ARFGEF1: variants seen among roughly 807,000 people sequenced by gnomAD.
The protein encoded by ARFGEF1 is ARF guanine nucleotide exchange factor 1.
Under a neutral mutation model 231.0 loss-of-function variants are expected in ARFGEF1, and 42 were observed. That is an observed-to-expected ratio of 0.18 (90% CI 0.14 to 0.24). The LOEUF is 0.24. Among genes scored for constraint, ARFGEF1 ranks in the 10% least tolerant of loss-of-function variants. The pLI is 1.00. For missense variants in ARFGEF1, 1,345 were observed against 2,192.0 expected, an observed-to-expected ratio of 0.61 and a Z score of 7.72; for synonymous variants, 710 against 732.3, an observed-to-expected ratio of 0.97 and a Z score of 0.49.
At chr8:67,246,944 T>A (rs1210564061) in intron 19 of ARFGEF1, among the ~76,000 whole-genome samples, 1 of 150,098 alleles carries the variant, frequency 6.7e-6, no homozygotes, top group Non-Finnish European at 1.5e-5. Flanking sequence ...ATTCAAAGGA[T>A]TCTTAGTGGC....
intron 10 of ARFGEF1, among the ~76,000 whole-genome samples, chr8:67,271,025 C>CAAAAA (rs36063944): frequency 1.8e-3 from 65 of 35,852 alleles, no homozygotes; most frequent in African/African-American, 4.1e-3. Flanking sequence ...ACTCCATCTC[C>CAAAAA]AAAAAAAAAA....
chr8:67,312,101 G>A (rs1476153008), intron 1 of ARFGEF1, among the ~76,000 whole-genome samples: 2 of 151,978 alleles, frequency 1.3e-5, no homozygotes, highest in Admixed American at 6.6e-5. Context: ...CAAACACTGC[G>A]GAAGGCAGTG....
At chr8:67,195,649 T>C, downstream of ARFGEF1, 1 of 1,476,130 alleles carries the variant, frequency 6.8e-7, no homozygotes, top group East Asian at 2.3e-5. Flanking sequence ...ATGGTAAATC[T>C]GTACCTTTAA....
At chr8:67,227,674 A>C in intron 25 of ARFGEF1, 76 bp from the exon 26 acceptor site, 2 of 1,501,146 alleles carry the variant, frequency 1.3e-6, no homozygotes, top group South Asian at 2.4e-5. Flanking sequence ...TTTTTGTTTT[A>C]GAAAAAGTAT....
chr8:67,183,443 T>C (rs1200447129), intron 5 of ARFGEF1, among the ~76,000 whole-genome samples: 2 of 152,082 alleles, frequency 1.3e-5, no homozygotes, highest in Admixed American at 6.5e-5. Context: ...AATCACACAA[T>C]ATCTGTCCCC....
intron 19 of ARFGEF1, among the ~76,000 whole-genome samples, chr8:67,241,824 C>T (rs1476540869): frequency 1.3e-5 from 2 of 152,114 alleles, no homozygotes; most frequent in Non-Finnish European, 2.9e-5. Flanking sequence ...GTAGGAAAGA[C>T]AGTCTTAAAT....
intron 1 of ARFGEF1, among the ~76,000 whole-genome samples, chr8:67,311,602 G>A (rs112900122): frequency 3.4e-5 from 5 of 148,836 alleles, no homozygotes; most frequent in East Asian, 4.1e-4. Flanking sequence ...CGCCTCGTCC[G>A]GGAGGGAGGT....
At chr8:67,255,155 T>G (rs890753574) in intron 17 of ARFGEF1, among the ~76,000 whole-genome samples, 10 of 152,208 alleles carry the variant, frequency 6.6e-5, no homozygotes, top group Admixed American at 4.6e-4. Context: ...ATCCCATACG[T>G]GGGCGTACAG....
At chr8:67,287,300 T>A (rs1433788775) in intron 7 of ARFGEF1, among the ~76,000 whole-genome samples, 4 of 152,180 alleles carry the variant, frequency 2.6e-5, no homozygotes, top group African/African-American at 9.7e-5. Flanking sequence ...CCTTGGGACC[T>A]GAGTCTCTAA....
intron 19 of ARFGEF1, among the ~76,000 whole-genome samples, chr8:67,247,913 C>A (rs576175464): frequency 1.3e-5 from 2 of 150,104 alleles, no homozygotes; most frequent in African/African-American, 5.0e-5. Flanking sequence ...TATTTGACAA[C>A]AGTGAACAAT....
chr8:67,177,646 CT>C, intron 5 of ARFGEF1: 2 of 1,503,716 alleles, frequency 1.3e-6, no homozygotes, highest in Non-Finnish European at 1.8e-6. Context: ...ATTTTCTGAC[CT>C]TTTAATTTGC....
At chr8:67,217,193 A>G (rs1401113101) in intron 32 of ARFGEF1, among the ~76,000 whole-genome samples, 1 of 151,658 alleles carries the variant, frequency 6.6e-6, no homozygotes, top group African/African-American at 2.4e-5. Flanking sequence ...AATCCTAGCT[A>G]CTTGGGAGGC....
intron 1 of ARFGEF1, among the ~76,000 whole-genome samples, chr8:67,316,705 C>T (rs891362940): frequency 3.3e-5 from 5 of 152,254 alleles, no homozygotes; most frequent in East Asian, 1.9e-4. Context: ...AGTGATCTGC[C>T]CTCCTCGACC....
At position 67,232,942 on chromosome 8, in the gene ARFGEF1, C is replaced by A; in HGVS notation, c.3293G>T (p.Gly1098Val). ...PDEFVGLGLV[G>V]GNVDWKQIAS... ...TATCTGTTTCCAGTCCACATTTCCT[C>A]CAACTACCACACATAAAAAAAAGTC... Residue 1098 changes from glycine to valine, a missense_variant, in exon 23 of 39, where the codon GGA (glycine) becomes GTA (valine). By Grantham distance (109) the Gly-to-Val change is moderately radical (BLOSUM62 -3). This residue lies in a region of ARFGEF1 where 146 missense variants were observed against 321.4 expected (regional missense o/e 0.45). Coordinates refer to ENST00000262215, the MANE Select transcript of ARFGEF1 (RefSeq NM_006421.5). 1 of 1,605,500 alleles carries A rather than the reference C, an allele frequency of 6.2e-7. No homozygotes were observed. Among genetic ancestry groups the A allele is most frequent in the South Asian group, 1.1e-5 (1 of 89,682 alleles).
chr8:67,265,769 C>T (rs2128893526), intron 14 of ARFGEF1, among the ~76,000 whole-genome samples: 1 of 152,136 alleles, frequency 6.6e-6, no homozygotes, highest in Non-Finnish European at 1.5e-5. Context: ...TACCCATCAA[C>T]AGCACTTATA....
rs987644484 is a variant in ARFGEF1 at position 67,247,572 on chromosome 8, A to G, written c.2850+3727T>C. ...TATAGAAGGAATATTCCTCAACACAATGAAAGCCATATACAACAGACCACA... is the reference window on the plus strand; with the variant it reads ...TATAGAAGGAATATTCCTCAACACAGTGAAAGCCATATACAACAGACCACA... On this transcript the variant is annotated intron_variant, in intron 19 of 38. Coordinates refer to ENST00000262215, the MANE Select transcript of ARFGEF1 (RefSeq NM_006421.5). Among the ~76,000 whole-genome samples, 6 of 150,438 alleles carry G rather than the reference A, an allele frequency of 4.0e-5. 1 individual carries two copies. The highest frequency in any genetic ancestry group is 8.9e-5 in the Non-Finnish European group (6 of 67,776).
At chr8:67,225,168 A>C in intron 28 of ARFGEF1, 135 bp from the exon 29 acceptor site, 1 of 846,592 alleles carries the variant, frequency 1.2e-6, no homozygotes, top group Non-Finnish European at 1.6e-6. Context: ...TTTATAAAAA[A>C]TGGACACTAT....
chr8:67,253,649 C>T lies in ARFGEF1; in HGVS notation c.2527-27G>A, dbSNP rs766459744. 3 of 1,256,980 alleles carry T rather than the reference C, an allele frequency of 2.4e-6. No individual in the cohort carries two copies. The Admixed American group carries it at 8.6e-5, about 36-fold the overall frequency. 77.9% of individuals were successfully genotyped at this position (1,256,980 alleles called of 1,614,324 possible). ...TAGATATGAAAAACCATTATAATTCCTAAAAATTAACATAAAGGTTACACT... is the reference window on the plus strand; with the variant it reads ...TAGATATGAAAAACCATTATAATTCTTAAAAATTAACATAAAGGTTACACT... On this transcript the variant is annotated intron_variant, in intron 17 of 38. Coordinates refer to ENST00000262215, the MANE Select transcript of ARFGEF1 (RefSeq NM_006421.5).
intron 1 of ARFGEF1, among the ~76,000 whole-genome samples, chr8:67,313,392 T>C (rs535041003): frequency 6.6e-6 from 1 of 152,318 alleles, no homozygotes; most frequent in Admixed American, 6.5e-5. Flanking sequence ...GGTTTTCTGG[T>C]TCCTTCTCAT....
Sources: allele counts gnomAD v4.1 joint callset (sites outside exome capture counted in the v4.1 genomes callset), GRCh38; gene constraint gnomAD v4.1.1; regional missense constraint gnomAD v4.1.1; transcripts MANE v1.5; gene names NCBI Gene and HGNC (gene_info 2026-07-23, HGNC 2026-07-21).